EXOC4: variants seen among roughly 807,000 people sequenced by gnomAD.
The protein encoded by EXOC4 is exocyst complex component 4.
Under a neutral mutation model 107.2 loss-of-function variants are expected in EXOC4, and 71 were observed. That is an observed-to-expected ratio of 0.66 (90% confidence interval 0.55 to 0.81). The LOEUF is 0.81. EXOC4 is among the 30% of genes least tolerant of loss of function. The probability of loss-of-function intolerance (pLI) is 0.00; values close to 1 mark genes in which losing one functional copy is unlikely to be tolerated. For synonymous variants in EXOC4, 456 were observed against 441.2 expected, an observed-to-expected ratio of 1.03 and a Z score of -0.42; for missense variants, 1,108 against 1,189.6, an observed-to-expected ratio of 0.93 and a Z score of 1.01.
rs2150657522 is a variant in EXOC4 at position 133,356,232 on chromosome 7, G to T, written c.764-98G>T. On this transcript the variant is annotated intron_variant, in intron 5 of 17. Coordinates refer to ENST00000253861, the MANE Select transcript of EXOC4 (RefSeq NM_021807.4). ...TGAAAAATCCTCTTTAATTCTTTAA[G>T]AGAGTAATCAAGGCAGTGATTTCGT... is the stretch of plus-strand genomic sequence containing the variant. The T allele has an allele frequency of 4.2e-6, 5 of 1,199,072 alleles. No individual in the cohort carries two copies. The South Asian group carries it at 4.4e-5, about 10-fold the overall frequency. The allele number at this position is 1,199,072 out of a possible 1,614,324, so 74.3% of individuals were successfully genotyped here.
chr7:133,682,120 A>T (rs1028839159), intron 10 of EXOC4, among the ~76,000 whole-genome samples: 1 of 151,408 alleles, frequency 6.6e-6, no homozygotes, highest in Non-Finnish European at 1.5e-5. Flanking sequence ...CTTGTCTCAA[A>T]CTCTTGGACT....
intron 14 of EXOC4, among the ~76,000 whole-genome samples, chr7:133,971,113 C>T (rs889052122): frequency 1.3e-5 from 2 of 151,570 alleles, no homozygotes; most frequent in East Asian, 1.9e-4. Flanking sequence ...ATCAGAGGCC[C>T]GGGCTTGACT....
intron 9 of EXOC4, among the ~76,000 whole-genome samples, chr7:133,610,862 C>T (rs1250459784): frequency 6.6e-6 from 1 of 150,912 alleles, no homozygotes; most frequent in Admixed American, 6.6e-5. Flanking sequence ...CCCAGGTTGC[C>T]GTGCAGTGAC....
At chr7:133,984,136 TG>T (rs1184794243) in intron 14 of EXOC4, among the ~76,000 whole-genome samples, 2 of 152,220 alleles carry the variant, frequency 1.3e-5, no homozygotes, top group African/African-American at 4.8e-5. Context: ...TAAACGTCCT[TG>T]GGGACCTAGG....
intron 9 of EXOC4, among the ~76,000 whole-genome samples, chr7:133,529,632 C>T (rs374425558): frequency 2.0e-5 from 3 of 152,070 alleles, no homozygotes; most frequent in African/African-American, 4.8e-5. Flanking sequence ...TTTCTGGCTC[C>T]GTCATCTCTC....
intron 11 of EXOC4, among the ~76,000 whole-genome samples, chr7:133,823,167 C>T (rs956697586): frequency 3.9e-5 from 6 of 152,182 alleles, no homozygotes; most frequent in Non-Finnish European, 8.8e-5. Context: ...AGCATATTTT[C>T]ATTTTCCTCT....
intron 5 of EXOC4, among the ~76,000 whole-genome samples, chr7:133,347,112 A>G (rs1795799998): frequency 6.6e-6 from 1 of 152,188 alleles, no homozygotes; most frequent in Non-Finnish European, 1.5e-5. Context: ...TTTTTTAAAT[A>G]AAATATTTAA....
At chr7:133,831,521 TTGAC>T (rs1797810872) in intron 11 of EXOC4, among the ~76,000 whole-genome samples, 1 of 151,954 alleles carries the variant, frequency 6.6e-6, no homozygotes, top group African/African-American at 2.4e-5. Flanking sequence ...AGTAACTTCT[TTGAC>T]TGGCTTCTGT....
At chr7:134,006,435 T>A (rs1794644658) in intron 16 of EXOC4, among the ~76,000 whole-genome samples, 1 of 152,206 alleles carries the variant, frequency 6.6e-6, no homozygotes, top group Non-Finnish European at 1.5e-5. Flanking sequence ...GTGTTTTTCT[T>A]TGAATAAAAA....
chr7:133,340,297 T>A (rs1795628733), intron 5 of EXOC4, among the ~76,000 whole-genome samples: 1 of 152,330 alleles, frequency 6.6e-6, no homozygotes, highest in Non-Finnish European at 1.5e-5. Flanking sequence ...ATTCTGTTCA[T>A]GTGGTGTATC....
intron 14 of EXOC4, among the ~76,000 whole-genome samples, chr7:133,996,153 C>T (rs1794387498): frequency 6.6e-6 from 1 of 152,132 alleles, no homozygotes; most frequent in African/African-American, 2.4e-5. Flanking sequence ...ATAATAATTG[C>T]TTATGTTTCT....
chr7:133,937,533 AC>A (rs1382206631), intron 13 of EXOC4, among the ~76,000 whole-genome samples: 1 of 152,146 alleles, frequency 6.6e-6, no homozygotes, highest in Non-Finnish European at 1.5e-5. Flanking sequence ...CATATTTAAC[AC>A]CCTAAGCTGT....
chr7:133,295,922 T>C (rs1394923746), intron 3 of EXOC4, among the ~76,000 whole-genome samples: 1 of 152,138 alleles, frequency 6.6e-6, no homozygotes, highest in Admixed American at 6.6e-5. Flanking sequence ...AATATTCTAG[T>C]GAGCTTATTG....
At chr7:133,763,240 T>G (rs1178522239) in intron 10 of EXOC4, among the ~76,000 whole-genome samples, 1 of 152,104 alleles carries the variant, frequency 6.6e-6, no homozygotes, top group Non-Finnish European at 1.5e-5. Flanking sequence ...TCAGAAACTC[T>G]TACCAATGGT....
intron 1 of EXOC4, among the ~76,000 whole-genome samples, chr7:133,259,028 G>A (rs1221223659): frequency 5.3e-5 from 8 of 152,050 alleles, no homozygotes; most frequent in African/African-American, 9.7e-5. Context: ...GTACAAATTT[G>A]TAAAGACGAG....
At chr7:133,508,414 C>A (rs948485552) in intron 9 of EXOC4, among the ~76,000 whole-genome samples, 1 of 152,172 alleles carries the variant, frequency 6.6e-6, no homozygotes, top group African/African-American at 2.4e-5. Flanking sequence ...AACCACTACT[C>A]TAAACCTTGT....
chr7:133,477,183 A>G (rs1324074632), intron 8 of EXOC4, among the ~76,000 whole-genome samples: 1 of 152,126 alleles, frequency 6.6e-6, no homozygotes, highest in Non-Finnish European at 1.5e-5. Context: ...TAAATTCCAT[A>G]GTTTACATTA....
intron 6 of EXOC4, among the ~76,000 whole-genome samples, chr7:133,362,193 T>A (rs1796150952): frequency 6.6e-6 from 1 of 152,218 alleles, no homozygotes; most frequent in Non-Finnish European, 1.5e-5. Flanking sequence ...TTCCCTACTC[T>A]TAGATTATAA....
chr7:134,097,576 G>A, the EXOC4 span, among the ~76,000 whole-genome samples: 2 of 152,136 alleles, frequency 1.3e-5, no homozygotes, highest in African/African-American at 4.8e-5. Context: ...AGGAGAAAAT[G>A]GTTTATAGAC....
Sources: allele counts gnomAD v4.1 joint callset (sites outside exome capture counted in the v4.1 genomes callset), GRCh38; gene constraint gnomAD v4.1.1; transcripts MANE v1.5; gene names NCBI Gene and HGNC (gene_info 2026-07-23, HGNC 2026-07-21).